EML4: variants seen among roughly 807,000 people sequenced by gnomAD.
EML4 encodes the protein EMAP like 4.
In EML4, 72 loss-of-function variants were observed where a neutral mutation model predicts 129.0. The observed-to-expected ratio is 0.56, with a 90% CI of 0.46 to 0.68. The LOEUF is 0.68. Among genes scored for constraint, EML4 ranks in the 30% least tolerant of loss-of-function variants. EML4 has a pLI of 0.00. For synonymous variants in EML4, 532 were observed against 405.0 expected, an observed-to-expected ratio of 1.31 and a Z score of -3.77; for missense variants, 1,363 against 1,190.6, an observed-to-expected ratio of 1.14 and a Z score of -2.13.
At chr2:42,245,090 C>CTTTTTTTTTTTTTTTTTTTTTTT (rs960416568) in intron 1 of EML4, among the ~76,000 whole-genome samples, 2 of 14,514 alleles carry the variant, frequency 1.4e-4, no homozygotes. Flanking sequence ...TTGAAATTTT[C>CTTTTTTTTTTTTTTTTTTTTTTT]TTTCTTTTTT....
intron 6 of EML4, among the ~76,000 whole-genome samples, chr2:42,268,712 A>T (rs1666206729): frequency 6.6e-6 from 1 of 152,238 alleles, no homozygotes; most frequent in South Asian, 2.1e-4. Context: ...CGTTAGGATT[A>T]TAGCTGTGAG....
intron 1 of EML4, among the ~76,000 whole-genome samples, chr2:42,208,580 C>A (rs371066883): frequency 2.0e-5 from 3 of 151,480 alleles, no homozygotes; most frequent in Non-Finnish European, 4.4e-5. Context: ...ATTACAGGCA[C>A]CTGCCACCGC....
chr2:42,310,371 G>A (rs1668868316), intron 17 of EML4, among the ~76,000 whole-genome samples: 1 of 148,620 alleles, frequency 6.7e-6, no homozygotes, highest in Non-Finnish European at 1.5e-5. Context: ...CTTTTGCAGA[G>A]TCTTGCTCTG....
At chr2:42,291,848 A>G (rs1342163961) in intron 11 of EML4, among the ~76,000 whole-genome samples, 1 of 152,206 alleles carries the variant, frequency 6.6e-6, no homozygotes, top group Non-Finnish European at 1.5e-5. Context: ...GGCACTACAT[A>G]AAACAGGGTG....
intron 13 of EML4, among the ~76,000 whole-genome samples, chr2:42,299,678 T>C (rs1287090338): frequency 1.3e-5 from 2 of 152,156 alleles, no homozygotes; most frequent in African/African-American, 2.4e-5. Context: ...ACTTAGTTTT[T>C]TTTGTTTTGT....
intron 13 of EML4, among the ~76,000 whole-genome samples, chr2:42,300,818 T>TA (rs1456438464): frequency 6.6e-6 from 1 of 152,204 alleles, no homozygotes; most frequent in East Asian, 1.9e-4. Flanking sequence ...TGTTATTAGC[T>TA]AACTATGTGG....
intron 1 of EML4, among the ~76,000 whole-genome samples, chr2:42,209,964 AAAC>A (rs1321270990): frequency 6.6e-6 from 1 of 151,466 alleles, no homozygotes; most frequent in African/African-American, 2.4e-5. Flanking sequence ...ACAAACAAAA[AAAC>A]CAATAGACTT....
intron 2 of EML4, among the ~76,000 whole-genome samples, chr2:42,248,780 T>TA (rs1675577774): frequency 6.6e-6 from 1 of 152,176 alleles, no homozygotes; most frequent in Non-Finnish European, 1.5e-5. Flanking sequence ...GTTACTCTGT[T>TA]ACCTGGAACA....
At chr2:42,208,810 G>C (rs6750659) in intron 1 of EML4, among the ~76,000 whole-genome samples, 1 of 142,584 alleles carries the variant, frequency 7.0e-6, no homozygotes, top group African/African-American at 2.7e-5. Flanking sequence ...TTTTTTTTCA[G>C]ACACAGAAAG....
At chr2:42,188,696 T>C (rs984073989) in intron 1 of EML4, among the ~76,000 whole-genome samples, 2 of 152,106 alleles carry the variant, frequency 1.3e-5, no homozygotes, top group Admixed American at 6.5e-5. Flanking sequence ...TGGCTAATTT[T>C]TGTGTTTTTA....
At chr2:42,192,244 G>GT in intron 1 of EML4, among the ~76,000 whole-genome samples, 2 of 109,410 alleles carry the variant, frequency 1.8e-5, no homozygotes, top group African/African-American at 7.5e-5. Context: ...TTTTTTTTTT[G>GT]GGGGGGGGAG....
At chr2:42,321,051 G>A (rs531638158) in intron 19 of EML4, among the ~76,000 whole-genome samples, 1 of 152,172 alleles carries the variant, frequency 6.6e-6, no homozygotes, top group African/African-American at 2.4e-5. Context: ...ATTTCAGTAA[G>A]GTAATAGAAT....
chr2:42,316,328 C>G (rs1003684129), intron 18 of EML4, among the ~76,000 whole-genome samples: 2 of 152,234 alleles, frequency 1.3e-5, no homozygotes, highest in Non-Finnish European at 2.9e-5. Flanking sequence ...TTTTCCGGAA[C>G]TACACATACT....
At chr2:42,304,618 C>A in intron 17 of EML4, 67 bp downstream of exon 17, 1 of 1,180,596 alleles carries the variant, frequency 8.5e-7, no homozygotes, top group Non-Finnish European at 1.3e-6. Flanking sequence ...CAGGAATGTT[C>A]TCAATCTGAT....
chr2:42,195,777 C>T (rs1301889327), intron 1 of EML4, among the ~76,000 whole-genome samples: 2 of 152,286 alleles, frequency 1.3e-5, no homozygotes, highest in Middle Eastern at 3.4e-3. Context: ...TGCAACACTA[C>T]ATATTTACTA....
intron 6 of EML4, among the ~76,000 whole-genome samples, chr2:42,271,002 C>T (rs142061735): frequency 1.3e-5 from 2 of 152,112 alleles, no homozygotes; most frequent in African/African-American, 4.8e-5. Context: ...CTCAGTTGAT[C>T]CTCCCATCTC....
chr2:42,250,796 A>G (rs984315727), intron 2 of EML4, among the ~76,000 whole-genome samples: 12 of 152,086 alleles, frequency 7.9e-5, no homozygotes, highest in Admixed American at 7.2e-4. Flanking sequence ...TTGTATTCTT[A>G]TTGCATAGTA....
intron 1 of EML4, among the ~76,000 whole-genome samples, chr2:42,214,176 C>G (rs1166830183): frequency 6.6e-6 from 1 of 152,136 alleles, no homozygotes. Context: ...GCGGGAGTCA[C>G]AGATCACTGA....
chr2:42,315,937 A>C lies in EML4; in HGVS notation c.1968-25A>C, dbSNP rs183665839. 2.2e-3 allele frequency: 3,475 copies of C among 1,559,286 alleles called. 13 individuals are homozygous for C. Among genetic ancestry groups the C allele is most frequent in the Non-Finnish European group, 2.6e-3 (2,950 of 1,144,326 alleles). ...TCTATAAATGCTAATATCTGAAGAA[A>C]ATTTTGATTTTTACTTCTTAACAGG... On this transcript the variant is annotated intron_variant, in intron 17 of 22. Coordinates refer to ENST00000318522, the MANE Select transcript of EML4 (RefSeq NM_019063.5).
Sources: gnomAD v4.1 joint callset for allele counts (sites outside exome capture counted in the v4.1 genomes callset) on GRCh38, gnomAD v4.1.1 for gene constraint, MANE v1.5 for transcripts, NCBI Gene and HGNC (gene_info 2026-07-23, HGNC 2026-07-21) for gene names.